Variants in PKD2 observed in about 807,000 individuals in gnomAD.
PKD2 encodes the protein polycystin-2.
PKD2 carries 48 observed loss-of-function variants against 105.9 expected under a neutral mutation model. The ratio of observed to expected loss-of-function variants is 0.45; its 90% confidence interval spans 0.36 to 0.58. The LOEUF (loss-of-function observed/expected upper bound fraction) is 0.58. Among genes scored for constraint, PKD2 ranks in the 20% least tolerant of loss-of-function variants. The pLI, the probability that PKD2 is intolerant of heterozygous loss-of-function variation, is 0.00. For synonymous variants in PKD2, 464 were observed against 481.1 expected (o/e 0.96, Z 0.46); for missense variants, 1,078 against 1,255.3 (o/e 0.86, Z 2.13).
rs1289405133 is a variant in PKD2 at position 88,008,325 on chromosome 4, C to T, written c.592C>T (p.Arg198Ter). 1 of 1,510,098 alleles carries T rather than the reference C, an allele frequency of 6.6e-7. No individual in the cohort carries two copies. The highest frequency in any genetic ancestry group is 8.8e-7 in the Non-Finnish European group (1 of 1,135,050). The allele number at this position is 1,510,098 out of a possible 1,614,324, so 93.5% of individuals were successfully genotyped here. A position where few individuals can be genotyped will look rare whatever the true frequency, so the allele number is the denominator to read the frequency against. Reference protein sequence around the residue: ...AWAERLVRGLRGLWGTRLMEE... With the variant: ...AWAERLVRGL Reference sequence around the variant, plus strand: ...GGCGGAGAGGCTGGTTCGCGGGCTGCGAGGTAAGAGCGCGCGACCCGCAGC... The same window carrying T: ...GGCGGAGAGGCTGGTTCGCGGGCTGTGAGGTAAGAGCGCGCGACCCGCAGC... Residue 198 changes from arginine to a stop codon, truncating the protein, a stop_gained, in exon 1 of 15, where the codon CGA (arginine) becomes TGA (stop). Transcript: ENST00000237596. LOFTEE classifies it high-confidence loss of function.
chr4:88,041,570 C>T (rs2110110383), intron 4 of PKD2, among the ~76,000 whole-genome samples: 1 of 152,268 alleles, frequency 6.6e-6, no homozygotes, highest in Non-Finnish European at 1.5e-5. Flanking sequence ...TCTCCAGGAA[C>T]GAGTTGTAGC....
chr4:88,045,962 C>T (rs1727750696), intron 5 of PKD2, among the ~76,000 whole-genome samples: 1 of 152,160 alleles, frequency 6.6e-6, no homozygotes, highest in South Asian at 2.1e-4. Context: ...TCTTTATATT[C>T]TTCATGTTGC....
intron 10 of PKD2, among the ~76,000 whole-genome samples, chr4:88,064,610 C>T (rs1045874290): frequency 3.9e-5 from 6 of 152,022 alleles, no homozygotes; most frequent in African/African-American, 1.2e-4. Context: ...GAAAAATCCT[C>T]GGCCAGGGGC....
At chr4:88,071,660 T>C (rs921739164) in intron 13 of PKD2, among the ~76,000 whole-genome samples, 8 of 152,188 alleles carry the variant, frequency 5.3e-5, no homozygotes, top group African/African-American at 1.9e-4. Context: ...TTGTTTTTAT[T>C]TCTCTTTGCT....
At chr4:88,068,331 A>G (rs1464540699) in intron 13 of PKD2, among the ~76,000 whole-genome samples, 7 of 152,056 alleles carry the variant, frequency 4.6e-5, no homozygotes, top group Non-Finnish European at 1.5e-5. Flanking sequence ...TTAGCTGGGC[A>G]TGGTGGTGGG....
intron 13 of PKD2, among the ~76,000 whole-genome samples, chr4:88,072,046 A>G (rs1263565785): frequency 7.2e-6 from 1 of 139,204 alleles, no homozygotes; most frequent in Non-Finnish European, 1.5e-5. Flanking sequence ...GTAGTGGTGC[A>G]GTCTCAGCTC....
rs1393095043 is a variant in PKD2, at chr4:88,075,879, C to A, written c.*185C>A. On this transcript the variant is annotated 3_prime_UTR_variant, in exon 15 of 15. Coordinates refer to ENST00000237596, the MANE Select transcript of PKD2 (RefSeq NM_000297.4). The stretch of plus-strand genomic sequence containing the variant: ...ACCCATGGTTCAAAGATTTTTTTTT[C>A]TTTTTCTCATATAAGAAATCTAGGT... 1.3e-5 allele frequency: 8 copies of A among 621,256 alleles called. No individual in the cohort carries two copies. Among genetic ancestry groups the A allele is most frequent in the Non-Finnish European group, 2.0e-5 (7 of 353,192 alleles). The allele number at this position is 621,256 out of a possible 1,614,324, so 38.5% of individuals were successfully genotyped here. A position where few individuals can be genotyped will look rare whatever the true frequency, so the allele number is the denominator to read the frequency against.
intron 3 of PKD2, among the ~76,000 whole-genome samples, chr4:88,036,706 A>C (rs1727346714): frequency 6.6e-6 from 1 of 152,198 alleles, no homozygotes; most frequent in African/African-American, 2.4e-5. Context: ...GAACAAGAAA[A>C]ATTGATTTTT....
At chr4:88,070,601 T>TATAGAGAGAGAGAG (rs1313482750) in intron 13 of PKD2, among the ~76,000 whole-genome samples, 10 of 91,480 alleles carry the variant, frequency 1.1e-4, no homozygotes, top group African/African-American at 1.7e-4. Context: ...TATATATATA[T>TATAGAGAGAGAGAG]AGAGAGAGAG....
chr4:88,062,393 T>G (rs933199665), intron 10 of PKD2, among the ~76,000 whole-genome samples: 3 of 152,186 alleles, frequency 2.0e-5, no homozygotes, highest in African/African-American at 7.2e-5. Context: ...TCAATTACCA[T>G]TTTAAAAAAA....
chr4:88,019,349 T>A, intron 1 of PKD2, 109 bp from the exon 2 acceptor site: 2 of 641,146 alleles, frequency 3.1e-6, no homozygotes, highest in Non-Finnish European at 2.8e-6. Context: ...AAAAGGAGAA[T>A]CTCCCTTATA....
intron 9 of PKD2, among the ~76,000 whole-genome samples, chr4:88,059,088 A>T: frequency 6.6e-6 from 1 of 152,172 alleles, no homozygotes; most frequent in Admixed American, 6.5e-5. Context: ...GGTTAAGTAT[A>T]TGGTATTTAT....
At chr4:88,049,630 C>A (rs1324906388) in intron 6 of PKD2, among the ~76,000 whole-genome samples, 1 of 152,180 alleles carries the variant, frequency 6.6e-6, no homozygotes, top group East Asian at 1.9e-4. Flanking sequence ...TGCTCACCCA[C>A]AAAACACACC....
chr4:88,008,106 T>A lies in PKD2; in HGVS notation c.373T>A (p.Ser125Thr). 2.0e-6 allele frequency: 3 copies of A among 1,513,494 alleles called. No individual in the cohort carries two copies. Among genetic ancestry groups the A allele is most frequent in the Non-Finnish European group, 2.6e-6 (3 of 1,136,146 alleles). 93.8% of individuals were successfully genotyped at this position (1,513,494 alleles called of 1,614,324 possible). Residue 125 changes from serine to threonine, a missense_variant, in exon 1 of 15, where the codon TCG (serine) becomes ACG (threonine). Transcript: ENST00000237596. ...DVEWRPGSRR[S>T]AASSAVSSVG... ...AGAGTGGCGCCCGGGCAGCCGGAGG[T>A]CGGCCGCCTCCTCGGCCGTGAGCTC...
At chr4:88,073,941 T>C (rs1369751900) in intron 13 of PKD2, among the ~76,000 whole-genome samples, 1 of 152,224 alleles carries the variant, frequency 6.6e-6, no homozygotes, top group Non-Finnish European at 1.5e-5. Flanking sequence ...TTTGTATACA[T>C]TTTTTAAGTT....
chr4:88,060,526 T>C (rs973869775), intron 9 of PKD2, among the ~76,000 whole-genome samples: 2 of 151,930 alleles, frequency 1.3e-5, no homozygotes, highest in African/African-American at 4.8e-5. Flanking sequence ...GTATGTTAGA[T>C]ACTGCCAGTA....
At chr4:88,025,798 T>G (rs1407635431) in intron 2 of PKD2, among the ~76,000 whole-genome samples, 2 of 152,126 alleles carry the variant, frequency 1.3e-5, no homozygotes, top group African/African-American at 4.8e-5. Context: ...GTTCTCATGA[T>G]AGTGAGTGAG....
intron 4 of PKD2, among the ~76,000 whole-genome samples, chr4:88,041,872 C>A (rs2110110671): frequency 6.6e-6 from 1 of 152,304 alleles, no homozygotes; most frequent in African/African-American, 2.4e-5. Flanking sequence ...GAAAGGCCAT[C>A]TCAGGCCTGC....
Position 88,046,859 on chromosome 4 carries a change from G to T in PKD2, c.1537G>T (p.Val513Leu). 1 of 1,598,844 alleles carries T rather than the reference G, an allele frequency of 6.3e-7. No homozygotes were observed. Among genetic ancestry groups the T allele is most frequent in the Admixed American group, 1.7e-5 (1 of 60,000 alleles). The change falls in exon 6 of 15, where the codon GTG becomes TTG. Residue 513 changes from valine (V) to leucine (L), a missense_variant. Transcript: ENST00000237596. ...GAGTTTCTGGAATTGTCTGGATGTTGTGATCGTTGTGGTAGGTTTGAGAAC... is the reference window on the plus strand; with the variant it reads ...GAGTTTCTGGAATTGTCTGGATGTTTTGATCGTTGTGGTAGGTTTGAGAAC... ...FRSFWNCLDV[V>L]IVVLSVVAIG...
Sources: gnomAD v4.1 joint callset for allele counts (sites outside exome capture counted in the v4.1 genomes callset) on GRCh38, gnomAD v4.1.1 for gene constraint, MANE v1.5 for transcripts, NCBI Gene and HGNC (gene_info 2026-07-23, HGNC 2026-07-21) for gene names.